The following KAZN variants were observed in gnomAD, a reference collection of about 807,000 sequenced individuals.
KAZN encodes kazrin, periplakin interacting protein.
KAZN carries 40 observed loss-of-function variants against 87.4 expected under a neutral mutation model. The ratio of observed to expected loss-of-function variants is 0.46; its 90% CI spans 0.36 to 0.60. The LOEUF is 0.60. Among genes scored for constraint, KAZN ranks in the 20% least tolerant of loss-of-function variants. KAZN has a pLI of 0.00. For missense variants in KAZN, 898 were observed against 1,073.9 expected, an observed-to-expected ratio of 0.84 and a Z score of 2.29; for synonymous variants, 466 against 458.3, an observed-to-expected ratio of 1.02 and a Z score of -0.22.
intron 1 of KAZN, among the ~76,000 whole-genome samples, chr1:14,147,586 G>A (rs1645379536): frequency 6.6e-6 from 1 of 152,120 alleles, no homozygotes; most frequent in Non-Finnish European, 1.5e-5. Context: ...AAGGTCAAGA[G>A]ATCAAGACCA....
chr1:14,787,855 G>T (rs181384971), intron 1 of KAZN, among the ~76,000 whole-genome samples: 44 of 152,268 alleles, frequency 2.9e-4, no homozygotes, highest in African/African-American at 9.9e-4. Context: ...GGTGGAGGCC[G>T]TGGGGAGAAA....
intron 1 of KAZN, among the ~76,000 whole-genome samples, chr1:14,674,851 A>G (rs1249240996): frequency 2.0e-5 from 3 of 151,928 alleles, no homozygotes; most frequent in Admixed American, 2.0e-4. Context: ...TAGTGGTGCA[A>G]TCATAGCTCA....
chr1:14,216,487 G>A (rs1308474940), intron 2 of KAZN, among the ~76,000 whole-genome samples: 1 of 152,156 alleles, frequency 6.6e-6, no homozygotes, highest in African/African-American at 2.4e-5. Context: ...GTGCCTAGAG[G>A]TAAGAGATCT....
intron 1 of KAZN, among the ~76,000 whole-genome samples, chr1:14,893,300 A>G (rs972828556): frequency 6.6e-6 from 1 of 152,194 alleles, no homozygotes; most frequent in Non-Finnish European, 1.5e-5. Context: ...CAGGAGGCAG[A>G]GGTTTCAGTG....
chr1:14,647,256 A>C (rs1680876643), intron 1 of KAZN, among the ~76,000 whole-genome samples: 1 of 152,176 alleles, frequency 6.6e-6, no homozygotes, highest in Admixed American at 6.5e-5. Context: ...CAATTGCAGA[A>C]TTATGTAAAA....
At chr1:14,718,320 G>A (rs1024238907) in intron 1 of KAZN, among the ~76,000 whole-genome samples, 4 of 152,154 alleles carry the variant, frequency 2.6e-5, no homozygotes, top group African/African-American at 9.7e-5. Flanking sequence ...GGTAGGCGGT[G>A]TGCCCTCGGG....
intron 1 of KAZN, among the ~76,000 whole-genome samples, chr1:13,959,803 CCTT>C (rs1286793206): frequency 6.6e-6 from 1 of 152,114 alleles, no homozygotes; most frequent in East Asian, 1.9e-4. Context: ...ATTGTGAGCT[CCTT>C]GTGCACAGGG....
At chr1:14,493,269 C>T (rs1055039041) in intron 2 of KAZN, among the ~76,000 whole-genome samples, 10 of 152,182 alleles carry the variant, frequency 6.6e-5, no homozygotes, top group African/African-American at 2.4e-4. Flanking sequence ...GCATGGAAAC[C>T]AGGCACAACA....
chr1:14,985,396 G>A (rs1245980117), intron 2 of KAZN, among the ~76,000 whole-genome samples: 1 of 151,952 alleles, frequency 6.6e-6, no homozygotes, highest in Non-Finnish European at 1.5e-5. Flanking sequence ...GCTGGGCATG[G>A]TGGCACTCAC....
chr1:14,226,476 T>G (rs2100521434), intron 2 of KAZN, among the ~76,000 whole-genome samples: 1 of 152,294 alleles, frequency 6.6e-6, no homozygotes, highest in East Asian at 1.9e-4. Context: ...GTTCAGCCAC[T>G]GTGGAAAGCA....
intron 1 of KAZN, among the ~76,000 whole-genome samples, chr1:13,897,144 C>A (rs535837162): frequency 1.3e-5 from 2 of 152,234 alleles, no homozygotes; most frequent in Non-Finnish European, 2.9e-5. Context: ...TATTGGCACA[C>A]AGCCATGCCC....
chr1:13,960,800 G>A (rs943260145), intron 1 of KAZN, among the ~76,000 whole-genome samples: 5 of 152,260 alleles, frequency 3.3e-5, no homozygotes, highest in African/African-American at 1.2e-4. Flanking sequence ...GTTCTGTCCA[G>A]GCCTTCGGAA....
chr1:14,279,564 C>T (rs960387420), intron 2 of KAZN, among the ~76,000 whole-genome samples: 12 of 152,194 alleles, frequency 7.9e-5, no homozygotes, highest in Admixed American at 2.6e-4. Flanking sequence ...AGAAAACCCA[C>T]AGTCATACAA....
At position 15,056,708 on chromosome 1, in the gene KAZN, T is replaced by G; in HGVS notation, c.916+428T>G. Among the ~76,000 whole-genome samples, 1 of 152,186 alleles carries G rather than the reference T, an allele frequency of 6.6e-6. No homozygotes were observed. On this transcript the variant is annotated intron_variant, in intron 5 of 14. Transcript: ENST00000376030. The surrounding 1 kb of genome is among the most constrained non-coding windows in gnomAD (Gnocchi z 5.4). Reference sequence around the variant, plus strand: ...CCACATCAGAGTCACATGGGCATCCTTTGGCAGGGGAGGCAGCAGAACTCC... The same window carrying G: ...CCACATCAGAGTCACATGGGCATCCGTTGGCAGGGGAGGCAGCAGAACTCC...
chr1:14,909,148 T>C (rs1231234112), intron 1 of KAZN, among the ~76,000 whole-genome samples: 2 of 152,198 alleles, frequency 1.3e-5, no homozygotes, highest in South Asian at 2.1e-4. Context: ...AGTAATAGTA[T>C]ATACTTTCGT....
intron 1 of KAZN, among the ~76,000 whole-genome samples, chr1:14,904,534 T>A (rs1340275174): frequency 6.6e-6 from 1 of 152,210 alleles, no homozygotes; most frequent in Non-Finnish European, 1.5e-5. Flanking sequence ...CCCCTGTATG[T>A]GCCACTGCAG....
At position 15,044,010 on chromosome 1, in the gene KAZN, G is replaced by A; in HGVS notation, c.577G>A (p.Ala193Thr). Residue 193 changes from alanine to threonine, a missense_variant, in exon 4 of 15, where the codon GCG becomes ACG. By Grantham distance (58) the Ala-to-Thr change is moderately conservative. Transcript: ENST00000376030. ...ACAGGAGAGCGAGGATGCGGTCAAAGCGCTGGCCAAGGAGAAGGACCTGCT... is the reference window on the plus strand; with the variant it reads ...ACAGGAGAGCGAGGATGCGGTCAAAACGCTGGCCAAGGAGAAGGACCTGCT... ...HRKESEDAVK[A>T]LAKEKDLLER... The A allele has an allele frequency of 2.5e-6, 4 of 1,611,548 alleles. No homozygotes were observed. Among genetic ancestry groups the A allele is most frequent in the African/African-American group, 2.7e-5 (2 of 75,008 alleles).
chr1:14,514,353 T>TA (rs1491208974), intron 2 of KAZN, among the ~76,000 whole-genome samples: 4 of 18,810 alleles, frequency 2.1e-4, no homozygotes, highest in African/African-American at 9.0e-4. Flanking sequence ...TTTATATATA[T>TA]TATATATATA....
rs1229023826 is a variant in KAZN, at chr1:14,735,096, T to G, written c.226+135873T>G. 6.6e-6 allele frequency among the ~76,000 whole-genome samples: 1 copy of G among 152,144 alleles called. No individual in the cohort carries two copies. The highest frequency in any genetic ancestry group is 1.5e-5 in the Non-Finnish European group (1 of 68,028). ...TTGTTTTGAGACGGAGTCTCGCTCT[T>G]TCGCCCAGGCCGGACTGTAGTGGCG... On this transcript the variant is annotated intron_variant, in intron 1 of 14. Coordinates refer to ENST00000376030, the MANE Select transcript of KAZN (RefSeq NM_201628.3). This position sits in a 1 kb window ranked among gnomAD's most constrained non-coding sequence, Gnocchi z 4.3.
Sources: allele counts gnomAD v4.1 joint callset (sites outside exome capture counted in the v4.1 genomes callset), GRCh38; gene constraint gnomAD v4.1.1; non-coding constraint Gnocchi (gnomAD v3.1); transcripts MANE v1.5; gene names NCBI Gene and HGNC (gene_info 2026-07-23, HGNC 2026-07-21).